Variants in PDGFRB observed in about 807,000 individuals in gnomAD.
PDGFRB encodes the protein platelet-derived growth factor receptor beta.
PDGFRB carries 42 observed loss-of-function variants against 120.2 expected under a neutral mutation model. The ratio of observed to expected loss-of-function variants is 0.35; its 90% CI spans 0.27 to 0.45. PDGFRB has a LOEUF of 0.45. Ranked by LOEUF, PDGFRB falls within the 20% of genes least tolerant of loss-of-function variation. PDGFRB has a pLI of 1.00. For synonymous variants in PDGFRB, 586 were observed against 606.8 expected (o/e 0.97, Z 0.50); for missense variants, 1,149 against 1,476.3 (o/e 0.78, Z 3.63).
Position 150,124,803 on chromosome 5 carries a change from C to G in PDGFRB, c.1836G>C (p.Gly612=). Residue 612 remains glycine (G), a synonymous_variant, in exon 13 of 23, where the codon GGG becomes GGC. Coordinates refer to ENST00000261799, the MANE Select transcript of PDGFRB (RefSeq NM_002609.4). ...CATGAGCCGTGGCCTCCACCACCTG[C>G]CCAAAGGCCCCAGAGCCGAGGGTGC... ...LGRTLGSGAF[G]QVVEATAHGL... The G allele has an allele frequency of 6.2e-7, 1 of 1,606,652 alleles. No homozygotes were observed.
rs776488990 is a variant in PDGFRB at position 150,122,016 on chromosome 5, G to T, written c.2208C>A (p.Ser736Arg). ...LPSHVSLTGESDGGYMDMSKD... is the reference protein window; with the variant it reads ...LPSHVSLTGERDGGYMDMSKD... ...TGCTCATGTCCATGTAGCCACCGTC[G>T]CTCTCCCCGGTCAAGGACACATGGC... The change falls in exon 16 of 23, where the codon AGC (serine) becomes AGA (arginine). Residue 736 changes from serine (S) to arginine (R), a missense_variant. This residue lies in a region of PDGFRB where 879 missense variants were observed against 1,108.6 expected (regional missense o/e 0.79). Coordinates refer to ENST00000261799, the MANE Select transcript of PDGFRB (RefSeq NM_002609.4). 101 of 1,613,346 alleles carry T rather than the reference G, an allele frequency of 6.3e-5. No individual in the cohort carries two copies. The highest frequency in any genetic ancestry group is 8.2e-5 in the Non-Finnish European group (97 of 1,179,892).
At chr5:150,136,170 G>A (rs992687968) in intron 2 of PDGFRB, among the ~76,000 whole-genome samples, 6 of 152,180 alleles carry the variant, frequency 3.9e-5, no homozygotes, top group African/African-American at 1.4e-4. Context: ...GGAAATCCTC[G>A]GGAAGCAATT....
At position 150,122,035 on chromosome 5, in the gene PDGFRB, A is replaced by G; in HGVS notation, c.2189T>C (p.Val730Ala). ...ACCGTCGCTCTCCCCGGTCAAGGACACATGGCTGGGGGTAAAGGAGCATCA... is the reference window on the plus strand; with the variant it reads ...ACCGTCGCTCTCCCCGGTCAAGGACGCATGGCTGGGGGTAAAGGAGCATCA... ...LPVGLPLPSH[V>A]SLTGESDGGY... The change falls in exon 16 of 23, where the codon GTG (valine) becomes GCG (alanine). Residue 730 changes from valine to alanine, a missense_variant. By Grantham distance (64) the Val-to-Ala change is moderately conservative (BLOSUM62 0). Transcript: ENST00000261799. 1 of 1,613,124 alleles carries G rather than the reference A, an allele frequency of 6.2e-7. No individual in the cohort carries two copies. The highest frequency in any genetic ancestry group is 8.5e-7 in the Non-Finnish European group (1 of 1,179,842).
intron 3 of PDGFRB, 82 bp from the exon 4 acceptor site, chr5:150,135,098 C>G (rs1244295634): frequency 1.4e-6 from 1 of 719,586 alleles, no homozygotes; most frequent in African/African-American, 1.8e-5. Context: ...AAGTCATTTG[C>G]CATCTCTGGC....
Position 150,115,914 on chromosome 5 carries a change from G to A in PDGFRB, c.3170C>T (p.Thr1057Ile). The A allele has an allele frequency of 6.3e-7, 1 of 1,593,094 alleles. No homozygotes were observed. Among genetic ancestry groups the A allele is most frequent in the Non-Finnish European group, 8.6e-7 (1 of 1,168,372 alleles). The change falls in exon 23 of 23, where the codon ACC becomes ATC. Residue 1057 changes from threonine to isoleucine, a missense_variant. Thr to Ile is a moderately conservative substitution (Grantham distance 89). Transcript: ENST00000261799. ...STLNEVNTSS[T>I]ISCDSPLEPQ... is the part of the protein sequence containing the mutation. ...CTCCAGGGGGCTGTCACAGGAGATGGTTGAGGAGGTGTTGACTTCATTCAG... is the reference window on the plus strand; with the variant it reads ...CTCCAGGGGGCTGTCACAGGAGATGATTGAGGAGGTGTTGACTTCATTCAG...
rs1399848057 is a variant in PDGFRB at position 150,133,991 on chromosome 5, AGACGTT to A, written c.643_648del (p.Asn215_Val216del). 6.2e-7 allele frequency: 1 copy of A among 1,614,062 alleles called. No individual in the cohort carries two copies. Among genetic ancestry groups the A allele is most frequent in the South Asian group, 1.1e-5 (1 of 91,080 alleles). On this transcript the variant is annotated inframe_deletion, in exon 5 of 23. Coordinates refer to ENST00000261799, the MANE Select transcript of PDGFRB (RefSeq NM_002609.4). ...ACCACAGTCTGCACTGCGTTCACAG[AGACGTT>A]GATGGATGACACTGGTAGAGAGAGA... is the stretch of plus-strand genomic sequence containing the variant.
chr5:150,141,741 G>A (rs1394864622), intron 1 of PDGFRB, among the ~76,000 whole-genome samples: 1 of 151,342 alleles, frequency 6.6e-6, no homozygotes, highest in Non-Finnish European at 1.5e-5. Flanking sequence ...GGAATACTGG[G>A]AGGCAGAAGT....
At chr5:150,125,021 C>T (rs1422030639) in intron 12 of PDGFRB, among the ~76,000 whole-genome samples, 190 bp from the exon 13 acceptor site, 2 of 151,748 alleles carry the variant, frequency 1.3e-5, no homozygotes, top group East Asian at 3.9e-4. Flanking sequence ...ATTCCCTAAA[C>T]ACACTCCTGC....
Position 150,123,146 on chromosome 5 carries a change from C to T in PDGFRB, c.2079G>A (p.Leu693=), listed in dbSNP as rs762902950. Residue 693 remains leucine (L), a synonymous_variant, in exon 15 of 23, where the codon CTG becomes CTA. Transcript: ENST00000261799. ...YCRYGDLVDY[L]HRNKHTFLQH... is the part of the protein sequence containing the mutation. Reference sequence around the variant, plus strand: ...GCAGGAAGGTGTGTTTGTTGCGGTGCAGGTAGTCCACCAGGTCTCCGTAGC... The same window carrying T: ...GCAGGAAGGTGTGTTTGTTGCGGTGTAGGTAGTCCACCAGGTCTCCGTAGC... 3.7e-6 allele frequency: 6 copies of T among 1,613,702 alleles called. No homozygotes were observed. The East Asian group carries it at 1.3e-4, about 36-fold the overall frequency.
chr5:150,129,737 C>G lies in PDGFRB; in HGVS notation c.1579+20G>C, dbSNP rs765314346. 3 of 1,594,220 alleles carry G rather than the reference C, an allele frequency of 1.9e-6. No individual in the cohort carries two copies. On this transcript the variant is annotated intron_variant, in intron 10 of 22. Transcript: ENST00000261799. ...GGTAGGGATTGGGATCGTCAGGGGC[C>G]ACTGAGGCTGGGGACTCACAGTGTG... is the stretch of plus-strand genomic sequence containing the variant.
chr5:150,125,040 TA>T (rs1177626548), intron 12 of PDGFRB, among the ~76,000 whole-genome samples: 1 of 152,026 alleles, frequency 6.6e-6, no homozygotes, highest in Non-Finnish European at 1.5e-5. Context: ...GCAACCACAA[TA>T]CCTCCCTGTC....
chr5:150,149,701 T>G (rs1188365202), intron 1 of PDGFRB, among the ~76,000 whole-genome samples: 1 of 152,130 alleles, frequency 6.6e-6, no homozygotes, highest in African/African-American at 2.4e-5. Context: ...CCTTCAATGC[T>G]CTGGGCCAGG....
intron 8 of PDGFRB, among the ~76,000 whole-genome samples, chr5:150,131,392 C>A (rs1562005128): frequency 6.6e-6 from 1 of 152,174 alleles, no homozygotes; most frequent in African/African-American, 2.4e-5. Flanking sequence ...ATGTCCTCAC[C>A]TTCTTCAGGT....
In PDGFRB at chr5:150,155,803, G is replaced by T; in HGVS notation, c.-413C>A. On this transcript the variant is annotated 5_prime_UTR_variant, in exon 1 of 23. Transcript: ENST00000261799. The stretch of plus-strand genomic sequence containing the variant: ...TCTGGCTCCAAGTTGCTCACAGAGC[G>T]ATCCTGGGTCCCAGATAGGGCGGGC... The T allele has an allele frequency of 1.5e-5, 6 of 397,678 alleles. No individual in the cohort carries two copies. The highest frequency in any genetic ancestry group is 3.6e-5 in the East Asian group (1 of 28,032). The allele number at this position is 397,678 out of a possible 1,614,324, so 24.6% of individuals were successfully genotyped here.
intron 8 of PDGFRB, 118 bp from the exon 9 acceptor site, chr5:150,130,780 G>A (rs184463977): frequency 1.0e-4 from 83 of 824,764 alleles, no homozygotes; most frequent in South Asian, 5.2e-4. Context: ...GTAGACTGCA[G>A]GTGAACATTA....
chr5:150,128,801 C>T (rs563102440), intron 10 of PDGFRB, among the ~76,000 whole-genome samples: 53 of 152,340 alleles, frequency 3.5e-4, no homozygotes, highest in African/African-American at 1.3e-3. Context: ...GAGGGAATTG[C>T]CAAGTTCCTT....
At chr5:150,154,610 G>A (rs1761179149) in intron 1 of PDGFRB, among the ~76,000 whole-genome samples, 1 of 152,246 alleles carries the variant, frequency 6.6e-6, no homozygotes, top group Admixed American at 6.5e-5. Flanking sequence ...CAGGGAGGTG[G>A]TGTGATTGGA....
intron 1 of PDGFRB, among the ~76,000 whole-genome samples, chr5:150,140,928 G>A (rs544602038): frequency 2.0e-5 from 3 of 152,220 alleles, no homozygotes; most frequent in South Asian, 2.1e-4. Context: ...GGCCACATCC[G>A]CCAGCAACAG....
In PDGFRB at chr5:150,132,868, G is replaced by T. The variant is rs1760508612; in HGVS notation, c.1009C>A (p.Gln337Lys). Residue 337 changes from glutamine to lysine, a missense_variant, in exon 7 of 23, where the codon CAG (glutamine) becomes AAG (lysine). This residue lies in a region of PDGFRB where 879 missense variants were observed against 1,108.6 expected (regional missense o/e 0.79). Transcript: ENST00000261799. This position sits in a 1 kb window ranked among gnomAD's most constrained non-coding sequence, Gnocchi z 5.0. ...FAELHRSRTLQVVFEAYPPPT... is the reference protein window; with the variant it reads ...FAELHRSRTLKVVFEAYPPPT... Reference sequence around the variant, plus strand: ...GGTGGGTAGGCCTCGAACACTACCTGCAGTGTCCGGCTCCGATGCAGCTCA... The same window carrying T: ...GGTGGGTAGGCCTCGAACACTACCTTCAGTGTCCGGCTCCGATGCAGCTCA... The T allele has an allele frequency of 1.2e-6, 2 of 1,603,154 alleles. No homozygotes were observed. The highest frequency in any genetic ancestry group is 1.7e-6 in the Non-Finnish European group (2 of 1,175,336).
Sources: allele counts gnomAD v4.1 joint callset (sites outside exome capture counted in the v4.1 genomes callset), GRCh38; gene constraint gnomAD v4.1.1; regional missense constraint gnomAD v4.1.1; non-coding constraint Gnocchi (gnomAD v3.1); transcripts MANE v1.5; gene names NCBI Gene and HGNC (gene_info 2026-07-23, HGNC 2026-07-21).